Variants in IPO8 observed in about 807,000 individuals in gnomAD.
The protein encoded by IPO8 is importin 8.
A neutral mutation model predicts 141.2 loss-of-function variants in IPO8; 65 were observed. That is an observed-to-expected ratio of 0.46 (90% confidence interval 0.38 to 0.57). The LOEUF (loss-of-function observed/expected upper bound fraction) is 0.57. IPO8 is among the 20% of genes least tolerant of loss of function. The pLI is 0.00. For missense variants in IPO8, 980 were observed against 1,246.8 expected (o/e 0.79, Z 3.22); for synonymous variants, 411 against 420.3 (o/e 0.98, Z 0.27).
At chr12:30,688,284 T>C in intron 2 of IPO8, 1 of 271,928 alleles carries the variant, frequency 3.7e-6, no homozygotes, top group Non-Finnish European at 7.3e-6. Context: ...TTTTTTTGTT[T>C]TGCTTGGCAA....
At chr12:30,637,592 C>T (rs763787968) in intron 21 of IPO8, among the ~76,000 whole-genome samples, 2 of 152,146 alleles carry the variant, frequency 1.3e-5, no homozygotes, top group Non-Finnish European at 2.9e-5. Flanking sequence ...GGTTTCTCAG[C>T]ACACATAATC....
intron 3 of IPO8, among the ~76,000 whole-genome samples, chr12:30,683,471 T>G (rs963828256): frequency 1.3e-5 from 2 of 152,326 alleles, no homozygotes; most frequent in African/African-American, 4.8e-5. Flanking sequence ...TGTTTTCACC[T>G]ATTTGTCCCT....
At chr12:30,641,199 A>G (rs1224732936) in intron 20 of IPO8, among the ~76,000 whole-genome samples, 4 of 152,212 alleles carry the variant, frequency 2.6e-5, no homozygotes, top group Admixed American at 6.5e-5. Flanking sequence ...ATATCTCCAC[A>G]TGCTACTATC....
chr12:30,682,155 A>G (rs535673072), intron 3 of IPO8, among the ~76,000 whole-genome samples: 2 of 152,292 alleles, frequency 1.3e-5, no homozygotes, highest in East Asian at 1.9e-4. Flanking sequence ...ATTATATCTC[A>G]TATTTTGGTT....
At chr12:30,647,594 G>A (rs2052665120) in intron 20 of IPO8, among the ~76,000 whole-genome samples, 2 of 83,832 alleles carry the variant, frequency 2.4e-5, no homozygotes, top group Non-Finnish European at 4.0e-5. Context: ...GATAGAATGA[G>A]ACCGTCTCCA....
chr12:30,691,413 T>C (rs898479286), intron 1 of IPO8, among the ~76,000 whole-genome samples: 1 of 152,208 alleles, frequency 6.6e-6, no homozygotes, highest in African/African-American at 2.4e-5. Flanking sequence ...CCCTGTGGCC[T>C]GGGTCACTTC....
chr12:30,647,907 T>C (rs1273724776), intron 20 of IPO8, among the ~76,000 whole-genome samples: 2 of 152,126 alleles, frequency 1.3e-5, no homozygotes, highest in South Asian at 2.1e-4. Context: ...TTAGCCATCA[T>C]AAAAATGCAA....
chr12:30,656,622 A>T, intron 17 of IPO8, 62 bp downstream of exon 17: 2 of 925,928 alleles, frequency 2.2e-6, no homozygotes, highest in Non-Finnish European at 3.3e-6. Context: ...CTAAAATTAT[A>T]CTTTGAGTTC....
chr12:30,676,515 C>A lies in IPO8; in HGVS notation c.712G>T (p.Asp238Tyr). The A allele has an allele frequency of 6.2e-7, 1 of 1,612,858 alleles. No individual in the cohort carries two copies. Among genetic ancestry groups the A allele is most frequent in the South Asian group, 1.1e-5 (1 of 91,034 alleles). Residue 238 changes from aspartate (D) to tyrosine (Y), a missense_variant, in exon 6 of 25, where the codon GAC becomes TAC. Asp to Tyr is a radical substitution (Grantham distance 160). Around this residue, in one of 3 missense-constraint regions of IPO8, gnomAD observed 924 missense variants for 1,153.9 expected, o/e 0.80. Transcript: ENST00000256079. ...TWMEIFRTII[D>Y]RTVPPETLHI... Reference sequence around the variant, plus strand: ...TTTCTTACAGGAGGAACGGTCCTGTCGATAATAGTTCGGAAGATCTCCATC... The same window carrying A: ...TTTCTTACAGGAGGAACGGTCCTGTAGATAATAGTTCGGAAGATCTCCATC...
intron 20 of IPO8, among the ~76,000 whole-genome samples, chr12:30,646,278 G>GA (rs1267516358): frequency 8.5e-5 from 13 of 152,052 alleles, no homozygotes; most frequent in African/African-American, 3.1e-4. Flanking sequence ...AATAGATGCA[G>GA]AAAAAAGCAT....
intron 10 of IPO8, among the ~76,000 whole-genome samples, chr12:30,667,852 C>A (rs954133273): frequency 6.6e-6 from 1 of 152,086 alleles, no homozygotes; most frequent in African/African-American, 2.4e-5. Flanking sequence ...CTGTACATCA[C>A]AAAAACACAT....
intron 17 of IPO8, 31 bp from the exon 18 acceptor site, chr12:30,653,123 C>A: frequency 6.3e-7 from 1 of 1,596,882 alleles, no homozygotes. Context: ...AGTTAGAATG[C>A]TAGGAAATAG....
At chr12:30,651,644 C>T (rs937628032) in intron 19 of IPO8, among the ~76,000 whole-genome samples, 7 of 151,894 alleles carry the variant, frequency 4.6e-5, no homozygotes, top group Non-Finnish European at 1.0e-4. Flanking sequence ...CCAAAGATCC[C>T]AAAAGATAAC....
chr12:30,677,821 C>A (rs1005279591), intron 5 of IPO8, among the ~76,000 whole-genome samples: 2 of 152,028 alleles, frequency 1.3e-5, no homozygotes, highest in African/African-American at 2.4e-5. Context: ...AGTGTTAGTA[C>A]AACAGAGTCA....
At chr12:30,686,539 G>A (rs1185376240) in intron 2 of IPO8, 1 of 152,116 alleles carries the variant, frequency 6.6e-6, no homozygotes, top group African/African-American at 2.4e-5. Context: ...GTAGAGACAG[G>A]GTTTCGCCAT....
In IPO8 at chr12:30,675,594, G is replaced by A. The variant is rs370688576; in HGVS notation, c.730-841C>T. Among the ~76,000 whole-genome samples, 190 of 151,842 alleles carry A rather than the reference G, an allele frequency of 1.3e-3. 3 individuals carry two copies. The highest frequency in any genetic ancestry group is 6.8e-3 in the Middle Eastern group (2 of 292). Reference sequence around the variant, plus strand: ...TGTAATCCCAGCACTTTGGGAGGCCGAGGTGGGTGGATCACGAGGTCAGGA... The same window carrying A: ...TGTAATCCCAGCACTTTGGGAGGCCAAGGTGGGTGGATCACGAGGTCAGGA... On this transcript the variant is annotated intron_variant, in intron 6 of 24. Transcript: ENST00000256079.
chr12:30,632,211 G>A (rs2052442675), intron 23 of IPO8, among the ~76,000 whole-genome samples, 200 bp from the exon 24 acceptor site: 1 of 152,126 alleles, frequency 6.6e-6, no homozygotes, highest in Non-Finnish European at 1.5e-5. Context: ...CAGCTATGTG[G>A]GAAATCAAAG....
chr12:30,686,017 G>T (rs7306125), intron 2 of IPO8, among the ~76,000 whole-genome samples: 34,677 of 151,722 alleles, frequency 0.23, 4,194 homozygotes, highest in Middle Eastern at 0.3. Flanking sequence ...TTATGAACTT[G>T]ACATCTGGTA....
At chr12:30,660,660 A>C (rs1454023055) in intron 16 of IPO8, among the ~76,000 whole-genome samples, 1 of 152,178 alleles carries the variant, frequency 6.6e-6, no homozygotes, top group Non-Finnish European at 1.5e-5. Flanking sequence ...TCAGTTGAGT[A>C]AATATGCTTT....
Sources: allele counts gnomAD v4.1 joint callset (sites outside exome capture counted in the v4.1 genomes callset), GRCh38; gene constraint gnomAD v4.1.1; regional missense constraint gnomAD v4.1.1; transcripts MANE v1.5; gene names NCBI Gene and HGNC (gene_info 2026-07-23, HGNC 2026-07-21).